C10orf90: variants seen among roughly 807,000 people sequenced by gnomAD.
The protein encoded by C10orf90 is (E2-independent) E3 ubiquitin-conjugating enzyme FATS.
C10orf90 carries 56 observed loss-of-function variants against 62.5 expected under a neutral mutation model. That is an observed-to-expected ratio of 0.90 (90% CI 0.72 to 1.12). The LOEUF (loss-of-function observed/expected upper bound fraction) is 1.12. Ranked by LOEUF, C10orf90 falls within the 50% of genes most tolerant of loss-of-function variation. The pLI, the probability that C10orf90 is intolerant of heterozygous loss-of-function variation, is 0.00. For missense variants in C10orf90, 970 were observed against 880.4 expected (o/e 1.10, Z -1.29); for synonymous variants, 386 against 340.4 (o/e 1.13, Z -1.47).
chr10:126,504,533 A>C lies in C10orf90; in HGVS notation c.958T>G (p.Trp320Gly). 4 of 1,614,228 alleles carry C rather than the reference A, an allele frequency of 2.5e-6. No individual in the cohort carries two copies. The highest frequency in any genetic ancestry group is 3.4e-6 in the Non-Finnish European group (4 of 1,180,036). The change falls in exon 4 of 10, where the codon TGG (tryptophan) becomes GGG (glycine). Residue 320 changes from tryptophan to glycine, a missense_variant. By Grantham distance (184) the Trp-to-Gly change is radical. Coordinates refer to ENST00000488181, the MANE Select transcript of C10orf90 (RefSeq NM_001350921.2). This position sits in a 1 kb window ranked among gnomAD's most constrained non-coding sequence, Gnocchi z 4.1. ...TCTTTGTCGTCTGCATGGGTGACCC[A>C]GTACTTGCGTCTCTCACACAACCCA... ...HTGLCERRKY[W>G]VTHADDKETS... is the part of the protein sequence containing the mutation.
rs756021619 is a variant in C10orf90, at chr10:126,459,124, G to A, written c.2104C>T (p.Arg702Trp). The A allele has an allele frequency of 1.7e-5, 27 of 1,614,126 alleles. No individual in the cohort carries two copies. Among genetic ancestry groups the A allele is most frequent in the South Asian group, 1.3e-4 (12 of 91,074 alleles). ...TGCTTCTGCCTCAGGTCCTCCTTCC[G>A]CTGGGCTTTCCTCTGCTGGACCATG... ...EHMVQQRKAQRKEDLRQKQSL... is the reference protein window; with the variant it reads ...EHMVQQRKAQWKEDLRQKQSL... Residue 702 changes from arginine (R) to tryptophan (W), a missense_variant, in exon 7 of 10, where the codon CGG becomes TGG. Transcript: ENST00000488181.
intron 2 of C10orf90, among the ~76,000 whole-genome samples, chr10:126,514,778 C>T (rs574333342): frequency 2.6e-5 from 4 of 152,132 alleles, no homozygotes; most frequent in East Asian, 1.9e-4. Flanking sequence ...CCGCCCTGCG[C>T]CCCCCTCTCC....
chr10:126,659,240 A>G (rs2133868989), intron 1 of C10orf90, among the ~76,000 whole-genome samples: 1 of 152,342 alleles, frequency 6.6e-6, no homozygotes, highest in East Asian at 1.9e-4. Context: ...CAGCCAACCT[A>G]GAGCCATGCA....
intron 2 of C10orf90, among the ~76,000 whole-genome samples, chr10:126,605,193 A>T (rs1232763059): frequency 6.6e-6 from 1 of 152,240 alleles, no homozygotes; most frequent in African/African-American, 2.4e-5. Flanking sequence ...TTGGGCCAGC[A>T]AGTCATGAAT....
intron 4 of C10orf90, among the ~76,000 whole-genome samples, chr10:126,497,145 C>T (rs77702873): frequency 0.033 from 5,016 of 152,260 alleles, 84 homozygotes; most frequent in Non-Finnish European, 0.041. Context: ...TGCCAGGGCC[C>T]TGCTTATTGA....
intron 7 of C10orf90, among the ~76,000 whole-genome samples, chr10:126,445,866 A>G (rs770745508): frequency 4.6e-5 from 7 of 150,908 alleles, no homozygotes; most frequent in Non-Finnish European, 1.0e-4. Flanking sequence ...GAATGAATTA[A>G]CAGCATTTGC....
intron 4 of C10orf90, chr10:126,470,304 C>T (rs531604955): frequency 3.6e-5 from 11 of 308,488 alleles, no homozygotes; most frequent in African/African-American, 6.5e-5. Context: ...GTACTCCAAT[C>T]GCACAGCTTT....
intron 2 of C10orf90, among the ~76,000 whole-genome samples, chr10:126,517,645 C>T (rs1477627894): frequency 6.6e-6 from 1 of 152,170 alleles, no homozygotes; most frequent in Non-Finnish European, 1.5e-5. Context: ...GGGGCAGTGG[C>T]TCACACCTGT....
intron 2 of C10orf90, among the ~76,000 whole-genome samples, chr10:126,545,771 A>T (rs1591085511): frequency 6.6e-6 from 1 of 151,458 alleles, no homozygotes; most frequent in Middle Eastern, 3.4e-3. Context: ...TCGGTTCTTA[A>T]CTTTTAATAA....
chr10:126,568,475 T>C (rs1844438146), intron 2 of C10orf90, among the ~76,000 whole-genome samples: 1 of 152,146 alleles, frequency 6.6e-6, no homozygotes. Context: ...GAATCCCTCA[T>C]CCTGAACATC....
At chr10:126,586,703 C>T (rs1377092946) in intron 2 of C10orf90, among the ~76,000 whole-genome samples, 1 of 152,162 alleles carries the variant, frequency 6.6e-6, no homozygotes, top group Non-Finnish European at 1.5e-5. Flanking sequence ...GCTCTGGAGA[C>T]TTCCTAAATT....
intron 1 of C10orf90, among the ~76,000 whole-genome samples, chr10:126,657,690 A>G (rs896178676): frequency 3.4e-5 from 5 of 148,408 alleles, no homozygotes; most frequent in African/African-American, 1.3e-4. Flanking sequence ...ATCTCGGCTC[A>G]TTGCAACCTC....
At chr10:126,556,126 A>G (rs929222635) in intron 2 of C10orf90, among the ~76,000 whole-genome samples, 1 of 152,234 alleles carries the variant, frequency 6.6e-6, no homozygotes, top group Non-Finnish European at 1.5e-5. Flanking sequence ...GTGGTCTGGC[A>G]TGTGGTCAAG....
intron 2 of C10orf90, among the ~76,000 whole-genome samples, chr10:126,612,279 C>T (rs1845451289): frequency 6.6e-6 from 1 of 152,144 alleles, no homozygotes; most frequent in South Asian, 2.1e-4. Context: ...CGAGATCACA[C>T]CACCACACTC....
chr10:126,458,912 G>T, intron 7 of C10orf90, 128 bp downstream of exon 7: 1 of 1,023,954 alleles, frequency 9.8e-7, no homozygotes, highest in Non-Finnish European at 1.4e-6. Context: ...TCAGCCACTT[G>T]GAGCCATAAC....
intron 2 of C10orf90, among the ~76,000 whole-genome samples, chr10:126,631,391 G>C (rs981167718): frequency 6.6e-6 from 1 of 152,012 alleles, no homozygotes. Flanking sequence ...TCCTCTCCTG[G>C]AGACAGCTGC....
In C10orf90 at chr10:126,556,234, T is replaced by C. The variant is rs148813299; in HGVS notation, c.314-42295A>G. On this transcript the variant is annotated intron_variant, in intron 2 of 9. Transcript: ENST00000488181. ...TCAAGACAAAGAAATGGTATCTAAA[T>C]TGGGATATGCACAATTGCAAAATGT... 1.3e-4 allele frequency among the ~76,000 whole-genome samples: 20 copies of C among 152,278 alleles called. No individual in the cohort carries two copies. The East Asian group carries it at 2.7e-3, about 21-fold the overall frequency.
At chr10:126,491,663 T>C (rs1378545398) in intron 4 of C10orf90, among the ~76,000 whole-genome samples, 3 of 152,216 alleles carry the variant, frequency 2.0e-5, no homozygotes, top group Non-Finnish European at 4.4e-5. Flanking sequence ...AGAGGAGCTT[T>C]TGTGATTCAC....
chr10:126,483,596 T>C (rs970463940), intron 4 of C10orf90, among the ~76,000 whole-genome samples: 1 of 152,224 alleles, frequency 6.6e-6, no homozygotes, highest in Non-Finnish European at 1.5e-5. Flanking sequence ...TTGTTTGTGA[T>C]TTGAGATCAT....
Sources: allele counts gnomAD v4.1 joint callset (sites outside exome capture counted in the v4.1 genomes callset), GRCh38; gene constraint gnomAD v4.1.1; non-coding constraint Gnocchi (gnomAD v3.1); transcripts MANE v1.5; gene names NCBI Gene and HGNC (gene_info 2026-07-23, HGNC 2026-07-21).